UBR4: variants seen among roughly 807,000 people sequenced by gnomAD.
The protein encoded by UBR4 is ubiquitin protein ligase E3 component n-recognin 4, also known as E3 ubiquitin-protein ligase UBR4.
UBR4 carries 124 observed loss-of-function variants against 575.6 expected under a neutral mutation model. That is an observed-to-expected ratio of 0.22 (90% CI 0.19 to 0.25). The LOEUF is 0.25. Ranked by LOEUF, UBR4 falls within the 10% of genes least tolerant of loss-of-function variation. The pLI is 1.00. For synonymous variants in UBR4, 2,455 were observed against 2,473.7 expected (o/e 0.99, Z 0.22); for missense variants, 4,818 against 6,478.8 (o/e 0.74, Z 8.80).
Position 19,144,925 on chromosome 1 carries a change from A to G in UBR4, c.7946-18T>C. The G allele has an allele frequency of 6.2e-7, 1 of 1,611,276 alleles. No homozygotes were observed. The highest frequency in any genetic ancestry group is 8.5e-7 in the Non-Finnish European group (1 of 1,179,132). ...AGTTAGTCCTAAAGGAGAGACAAAC[A>G]TTATTTGAAAATCTGGAGGAAAAAA... On this transcript the variant is annotated intron_variant, in intron 53 of 105. Coordinates refer to ENST00000375254, the MANE Select transcript of UBR4 (RefSeq NM_020765.3).
At position 19,096,578 on chromosome 1, in the gene UBR4, A is replaced by T. The variant is rs745899696; in HGVS notation, c.13463T>A (p.Met4488Lys). ...TCTGATCCCTGCGAGTCTGTTAAGC[A>T]TGCATTCCAGGCCCCCACACTGGGC... ...VMAQCGGLECMLNRLAGIRDF... is the reference protein window; with the variant it reads ...VMAQCGGLECKLNRLAGIRDF... The change falls in exon 92 of 106, where the codon ATG becomes AAG. Residue 4488 changes from methionine to lysine, a missense_variant. Physicochemically the swap from Met to Lys is moderately conservative, Grantham distance 95. This residue lies in a region of UBR4 where 165 missense variants were observed against 282.3 expected (regional missense o/e 0.58). Coordinates refer to ENST00000375254, the MANE Select transcript of UBR4 (RefSeq NM_020765.3). 5.6e-6 allele frequency: 9 copies of T among 1,613,770 alleles called. No homozygotes were observed. Among genetic ancestry groups the T allele is most frequent in the Non-Finnish European group, 7.6e-6 (9 of 1,179,902 alleles).
At chr1:19,078,300 G>A in intron 103 of UBR4, 1 of 462,800 alleles carries the variant, frequency 2.2e-6, no homozygotes, top group Non-Finnish European at 3.9e-6. Flanking sequence ...GATTCTCTCA[G>A]TGCTCATCTT....
At chr1:19,127,869 C>A (rs770252107) in intron 62 of UBR4, 130 bp from the exon 63 acceptor site, 1 of 734,172 alleles carries the variant, frequency 1.4e-6, no homozygotes, top group Non-Finnish European at 2.3e-6. Flanking sequence ...CACAAAACAA[C>A]CCCCAGTATA....
intron 43 of UBR4, 41 bp downstream of exon 43, chr1:19,155,399 AT>A: frequency 6.4e-7 from 1 of 1,564,736 alleles, no homozygotes; most frequent in Non-Finnish European, 8.7e-7. Context: ...TTGCTAAATA[AT>A]TAAATCCGGA....
chr1:19,184,969 G>T, intron 15 of UBR4, 130 bp downstream of exon 15: 2 of 1,132,986 alleles, frequency 1.8e-6, no homozygotes, highest in Non-Finnish European at 2.6e-6. Context: ...AGACATATAA[G>T]TCCTAAGCAA....
chr1:19,141,879 G>A, intron 55 of UBR4, 102 bp from the exon 56 acceptor site: 2 of 1,522,614 alleles, frequency 1.3e-6, no homozygotes, highest in Non-Finnish European at 1.8e-6. Context: ...CAAGCTACCA[G>A]CTAGCACCCT....
intron 39 of UBR4, 140 bp downstream of exon 39, chr1:19,159,971 G>T: frequency 1.9e-6 from 2 of 1,071,866 alleles, no homozygotes; most frequent in Non-Finnish European, 1.3e-6. Context: ...GGCATGTCAT[G>T]ATGTCTTAGA....
At position 19,197,163 on chromosome 1, in the gene UBR4, G is replaced by A; in HGVS notation, c.996C>T (p.Leu332=). ...CACCTGCATACAGACAACTTAGGCT[G>A]AGGACTGTCACATCTTGTAGACGAG... The part of the protein sequence containing the change: ...NPSRLQDVTV[L]SLSCLYAGVS... Residue 332 remains leucine, a synonymous_variant, in exon 8 of 106, where the codon CTC becomes CTT. Coordinates refer to ENST00000375254, the MANE Select transcript of UBR4 (RefSeq NM_020765.3). 6.2e-7 allele frequency: 1 copy of A among 1,614,164 alleles called. No individual in the cohort carries two copies. Among genetic ancestry groups the A allele is most frequent in the African/African-American group, 1.3e-5 (1 of 75,034 alleles).
At chr1:19,200,184 C>T (rs183350156) in intron 2 of UBR4, among the ~76,000 whole-genome samples, 1 of 151,668 alleles carries the variant, frequency 6.6e-6, no homozygotes, top group South Asian at 2.1e-4. Context: ...AGTGTGCAAT[C>T]TTTTGGCTTC....
chr1:19,088,711 C>G lies in UBR4; in HGVS notation c.14430+48G>C. On this transcript the variant is annotated intron_variant, in intron 98 of 105. Transcript: ENST00000375254. The surrounding 1 kb of genome is among the most constrained non-coding windows in gnomAD (Gnocchi z 4.0). ...CAGGGCTGTCCCATGGCCACCTCCT[C>G]ATCAACAGTGTGGGCAGAAATATGG... is the stretch of plus-strand genomic sequence containing the variant. 6.3e-7 allele frequency: 1 copy of G among 1,599,628 alleles called. No individual in the cohort carries two copies.
intron 57 of UBR4, 122 bp from the exon 58 acceptor site, chr1:19,141,014 G>A: frequency 9.4e-7 from 1 of 1,059,888 alleles, no homozygotes; most frequent in South Asian, 1.5e-5. Flanking sequence ...CTGGCCTAGA[G>A]GAAGTTAGCT....
At chr1:19,156,220 T>A in intron 42 of UBR4, 51 bp downstream of exon 42, 1 of 1,597,540 alleles carries the variant, frequency 6.3e-7, no homozygotes, top group Non-Finnish European at 8.5e-7. Flanking sequence ...GATTCTGGAT[T>A]TAAAAGTAGA....
In UBR4 at chr1:19,129,027, A is replaced by G; in HGVS notation, c.8954T>C (p.Leu2985Pro). 6.2e-7 allele frequency: 1 copy of G among 1,614,128 alleles called. No individual in the cohort carries two copies. Among genetic ancestry groups the G allele is most frequent in the Non-Finnish European group, 8.5e-7 (1 of 1,180,008 alleles). ...ACCGCCAACGTTTCGTAATTGAGGC[A>G]GGGTCTGCAGTAATCTCTCCAACAG... ...LMLLERLLQT[L>P]PQLRNVGGVR... The change falls in exon 61 of 106, where the codon CTG becomes CCG. Residue 2985 changes from leucine to proline, a missense_variant. Coordinates refer to ENST00000375254, the MANE Select transcript of UBR4 (RefSeq NM_020765.3).
chr1:19,132,462 G>A (rs999936705), intron 60 of UBR4, among the ~76,000 whole-genome samples: 8 of 151,884 alleles, frequency 5.3e-5, no homozygotes, highest in African/African-American at 2.4e-5. Context: ...GATTACAGGT[G>A]TGAGCCACTG....
At position 19,163,809 on chromosome 1, in the gene UBR4, C is replaced by T. The variant is rs750500520; in HGVS notation, c.4719G>A (p.Gln1573=). The T allele has an allele frequency of 6.2e-7, 1 of 1,614,128 alleles. No individual in the cohort carries two copies. Among genetic ancestry groups the T allele is most frequent in the Non-Finnish European group, 8.5e-7 (1 of 1,180,032 alleles). ...CATTCAGTTTTTCAACTACATTCTT[C>T]TGTGACAGGTATTTCTTGCTGTCCC... ...WLSRCKKYLS[Q]KNVVEKLNAN... The change falls in exon 34 of 106, where the codon CAG becomes CAA. Residue 1573 remains glutamine (Q), a synonymous_variant. Coordinates refer to ENST00000375254, the MANE Select transcript of UBR4 (RefSeq NM_020765.3).
At chr1:19,168,706 GGT>G (rs1241346954) in intron 27 of UBR4, among the ~76,000 whole-genome samples, 1 of 152,206 alleles carries the variant, frequency 6.6e-6, no homozygotes, top group East Asian at 1.9e-4. Flanking sequence ...GGCTGGGCAT[GGT>G]GGCTCACGCC....
chr1:19,190,312 AATATAT>A (rs1553226959), intron 11 of UBR4, among the ~76,000 whole-genome samples: 11 of 79,912 alleles, frequency 1.4e-4, no homozygotes, highest in African/African-American at 5.9e-4. Flanking sequence ...AAAAAAAAAA[AATATAT>A]ATATATATAT....
chr1:19,113,144 G>A, intron 77 of UBR4: 1 of 408,730 alleles, frequency 2.4e-6, no homozygotes, highest in Non-Finnish European at 4.4e-6. Flanking sequence ...ACAAAGGTCA[G>A]AAGCTAATAC....
chr1:19,195,064 T>C (rs1235693229), intron 8 of UBR4, among the ~76,000 whole-genome samples: 1 of 150,468 alleles, frequency 6.6e-6, no homozygotes, highest in Non-Finnish European at 1.5e-5. Flanking sequence ...ATCGAGACCA[T>C]CCTGGCTGAC....
Sources: allele counts gnomAD v4.1 joint callset (sites outside exome capture counted in the v4.1 genomes callset), GRCh38; gene constraint gnomAD v4.1.1; regional missense constraint gnomAD v4.1.1; non-coding constraint Gnocchi (gnomAD v3.1); transcripts MANE v1.5; gene names NCBI Gene and HGNC (gene_info 2026-07-23, HGNC 2026-07-21).